The following SLC24A3 variants were observed in gnomAD, a reference collection of about 807,000 sequenced individuals.
SLC24A3 encodes the protein sodium/potassium/calcium exchanger 3.
In SLC24A3, 28 loss-of-function variants were observed where a neutral mutation model predicts 75.8. The ratio of observed to expected loss-of-function variants is 0.37; its 90% CI spans 0.27 to 0.51. The LOEUF (loss-of-function observed/expected upper bound fraction) is 0.51. Among genes scored for constraint, SLC24A3 ranks in the 20% least tolerant of loss-of-function variants. The pLI is 0.94. For synonymous variants in SLC24A3, 372 were observed against 334.1 expected (o/e 1.11, Z -1.24); for missense variants, 663 against 847.8 (o/e 0.78, Z 2.71).
chr20:19,236,412 T>C (rs1359308011), intron 1 of SLC24A3, among the ~76,000 whole-genome samples: 2 of 152,150 alleles, frequency 1.3e-5, no homozygotes, highest in East Asian at 3.9e-4. Flanking sequence ...GACCGGCCCA[T>C]ATATCATAGT....
chr20:19,263,750 C>T (rs1444091292), intron 1 of SLC24A3, among the ~76,000 whole-genome samples: 3 of 152,156 alleles, frequency 2.0e-5, no homozygotes, highest in African/African-American at 7.2e-5. Flanking sequence ...GGTTTCAGTT[C>T]CAACTTGGAA....
At chr20:19,381,416 G>T (rs1986179605) in intron 2 of SLC24A3, among the ~76,000 whole-genome samples, 2 of 152,196 alleles carry the variant, frequency 1.3e-5, no homozygotes, top group South Asian at 2.1e-4. Context: ...AAGATGATCT[G>T]GGAGGCCCTC....
At chr20:19,239,112 G>C (rs1406456389) in intron 1 of SLC24A3, among the ~76,000 whole-genome samples, 2 of 123,898 alleles carry the variant, frequency 1.6e-5, no homozygotes, top group African/African-American at 6.0e-5. Context: ...TTTGAGAAAA[G>C]CTTATTTTAA....
chr20:19,566,066 A>G (rs1188343803), intron 3 of SLC24A3, among the ~76,000 whole-genome samples: 1 of 152,192 alleles, frequency 6.6e-6, no homozygotes, highest in Non-Finnish European at 1.5e-5. Context: ...TTCAAATTCC[A>G]GAAGGAGTAC....
At chr20:19,224,783 C>T (rs1373575088) in intron 1 of SLC24A3, among the ~76,000 whole-genome samples, 1 of 152,018 alleles carries the variant, frequency 6.6e-6, no homozygotes, top group African/African-American at 2.4e-5. Flanking sequence ...GGGCTGGAAC[C>T]CAGGCTTTCT....
At position 19,217,112 on chromosome 20, in the gene SLC24A3, C is replaced by T. The variant is rs191396644; in HGVS notation, c.142+4128C>T. Among the ~76,000 whole-genome samples the T allele has an allele frequency of 4.8e-4, 73 of 152,320 alleles. 1 individual carries two copies. Among genetic ancestry groups the T allele is most frequent in the African/African-American group, 1.7e-3 (70 of 41,570 alleles). On this transcript the variant is annotated intron_variant, in intron 1 of 16. Transcript: ENST00000328041. Reference sequence around the variant, plus strand: ...CATCTGGGTCGCAAGGGCGGATATCCCAAAAGGACAAGGTGAAAGATGGCA... The same window carrying T: ...CATCTGGGTCGCAAGGGCGGATATCTCAAAAGGACAAGGTGAAAGATGGCA...
At chr20:19,479,947 G>A (rs560762642) in intron 2 of SLC24A3, among the ~76,000 whole-genome samples, 1 of 152,284 alleles carries the variant, frequency 6.6e-6, no homozygotes, top group South Asian at 2.1e-4. Flanking sequence ...TCATTCCAGG[G>A]ACTTGAACAA....
At chr20:19,534,965 A>G (rs1022989778) in intron 3 of SLC24A3, among the ~76,000 whole-genome samples, 8 of 152,260 alleles carry the variant, frequency 5.3e-5, no homozygotes, top group Non-Finnish European at 1.0e-4. Context: ...TTCTAAATGC[A>G]GGGTTTCTCA....
chr20:19,220,109 T>C (rs1568560715), intron 1 of SLC24A3, among the ~76,000 whole-genome samples: 1 of 152,180 alleles, frequency 6.6e-6, no homozygotes, highest in African/African-American at 2.4e-5. Context: ...TCATGTTTAG[T>C]TGCTTAGGTG....
intron 8 of SLC24A3, among the ~76,000 whole-genome samples, chr20:19,669,488 C>T (rs1239387624): frequency 1.4e-5 from 2 of 146,938 alleles, no homozygotes; most frequent in East Asian, 4.0e-4. Context: ...GGTGACCGAG[C>T]AAGACTCTGT....
At chr20:19,565,028 ACT>A (rs1203626688) in intron 3 of SLC24A3, among the ~76,000 whole-genome samples, 1 of 151,586 alleles carries the variant, frequency 6.6e-6, no homozygotes, top group African/African-American at 2.4e-5. Flanking sequence ...CTAGTCTTGA[ACT>A]CCTGACCTCA....
chr20:19,262,875 G>A (rs533082499), intron 1 of SLC24A3, among the ~76,000 whole-genome samples: 2 of 152,006 alleles, frequency 1.3e-5, no homozygotes, highest in South Asian at 2.1e-4. Context: ...CACTGACAAA[G>A]CTGCGTGTGT....
At chr20:19,635,086 T>A (rs920845842) in intron 6 of SLC24A3, among the ~76,000 whole-genome samples, 1 of 152,208 alleles carries the variant, frequency 6.6e-6, no homozygotes, top group Non-Finnish European at 1.5e-5. Context: ...AGGATCTATC[T>A]CTTTCTGTGA....
chr20:19,350,505 A>G (rs955525370), intron 2 of SLC24A3, among the ~76,000 whole-genome samples: 1 of 152,154 alleles, frequency 6.6e-6, no homozygotes, highest in Non-Finnish European at 1.5e-5. Flanking sequence ...TTTTGAATCT[A>G]TTGGAAGATT....
chr20:19,523,427 A>C (rs2030140089), intron 3 of SLC24A3, among the ~76,000 whole-genome samples: 1 of 152,252 alleles, frequency 6.6e-6, no homozygotes, highest in Non-Finnish European at 1.5e-5. Context: ...ACAAAGCTAA[A>C]ACTGGTGTCC....
At chr20:19,534,392 G>A (rs999319217) in intron 3 of SLC24A3, among the ~76,000 whole-genome samples, 1 of 44,452 alleles carries the variant, frequency 2.2e-5, no homozygotes, top group Non-Finnish European at 6.0e-5. Flanking sequence ...ATCCAAAAAG[G>A]CTTTTCTGTT....
chr20:19,314,995 G>A (rs777188011), intron 2 of SLC24A3, among the ~76,000 whole-genome samples: 8 of 152,242 alleles, frequency 5.3e-5, no homozygotes, highest in Non-Finnish European at 8.8e-5. Context: ...TAAAAGTGCT[G>A]AAGAAGAAAT....
chr20:19,520,626 G>A (rs1224202223), intron 3 of SLC24A3, among the ~76,000 whole-genome samples: 1 of 152,218 alleles, frequency 6.6e-6, no homozygotes, highest in East Asian at 1.9e-4. Flanking sequence ...ACAAGTGGAG[G>A]TTCTCCAACA....
intron 3 of SLC24A3, among the ~76,000 whole-genome samples, chr20:19,551,198 C>T (rs781772694): frequency 2.0e-4 from 30 of 152,098 alleles, no homozygotes; most frequent in Non-Finnish European, 2.2e-4. Context: ...AGTTTCAAGA[C>T]GGAAGTGAAA....
Sources: allele counts gnomAD v4.1 joint callset (sites outside exome capture counted in the v4.1 genomes callset), GRCh38; gene constraint gnomAD v4.1.1; transcripts MANE v1.5; gene names NCBI Gene and HGNC (gene_info 2026-07-23, HGNC 2026-07-21).